Variants in NCL observed in about 807,000 individuals in gnomAD.
NCL encodes nucleolin multifunctional protein.
In NCL, 4 loss-of-function variants were observed where a neutral mutation model predicts 77.7. The ratio of observed to expected loss-of-function variants is 0.05; its 90% CI spans 0.03 to 0.12. The LOEUF is 0.12. Among genes scored for constraint, NCL ranks in the 10% least tolerant of loss-of-function variants. The probability of loss-of-function intolerance (pLI) is 1.00; values close to 1 mark genes in which losing one functional copy is unlikely to be tolerated. For missense variants in NCL, 763 were observed against 860.9 expected (o/e 0.89, Z 1.42); for synonymous variants, 344 against 297.8 (o/e 1.16, Z -1.60).
rs1258238218 is a variant in NCL at position 231,460,604 on chromosome 2, CACAA to C, written c.812-44_812-41del. The C allele has an allele frequency of 3.1e-6, 5 of 1,614,130 alleles. No individual in the cohort carries two copies. In the African/African-American group the frequency reaches 5.3e-5, roughly 17 times the overall value. Reference sequence around the variant, plus strand: ...AAACAATGTATCACACATCAGTAGCCACAAACACTTAAGTGCCTCCTTTAAACAT... The same window carrying C: ...AAACAATGTATCACACATCAGTAGCCACACTTAAGTGCCTCCTTTAAACAT... On this transcript the variant is annotated intron_variant, in intron 4 of 13. Coordinates refer to ENST00000322723, the MANE Select transcript of NCL (RefSeq NM_005381.3).
At chr2:231,463,043 A>C (rs2046966815) in intron 2 of NCL, 157 bp downstream of exon 2, 3 of 625,728 alleles carry the variant, frequency 4.8e-6, no homozygotes, top group Middle Eastern at 8.8e-4. Flanking sequence ...GCCAAATGAC[A>C]TCTTGACATG....
At position 231,454,846 on chromosome 2, in the gene NCL, C is replaced by CAAAAAAAAAAAAAAAAAAAAAAAA. The variant is rs201409564; in HGVS notation, c.*344_*345insTTTTTTTTTTTTTTTTTTTTTTTT. 9 of 97,128 alleles carry CAAAAAAAAAAAAAAAAAAAAAAAA rather than the reference C, an allele frequency of 9.3e-5. No homozygotes were observed. Among genetic ancestry groups the CAAAAAAAAAAAAAAAAAAAAAAAA allele is most frequent in the Non-Finnish European group, 1.3e-4 (6 of 44,640 alleles). The allele number at this position is 97,128 out of a possible 1,614,324, so 6.0% of individuals were successfully genotyped here. A position where few individuals can be genotyped will look rare whatever the true frequency, so the allele number is the denominator to read the frequency against. ...CTTTTCTTTTACAACCCCACGAACG[C>CAAAAAAAAAAAAAAAAAAAAAAAA]AAAAAAAAAAAAAACAAAAACAAAA... On this transcript the variant is annotated 3_prime_UTR_variant, in exon 14 of 14. Transcript: ENST00000322723.
chr2:231,459,320 C>T (rs2046923800), intron 6 of NCL, among the ~76,000 whole-genome samples, 195 bp from the exon 7 acceptor site: 1 of 152,168 alleles, frequency 6.6e-6, no homozygotes. Context: ...ATATGACATG[C>T]ACATTCACGT....
rs1053172373 is a variant in NCL at position 231,459,061 on chromosome 2, A to T, written c.1105T>A (p.Leu369Met). The T allele has an allele frequency of 6.2e-7, 1 of 1,606,838 alleles. No homozygotes were observed. The highest frequency in any genetic ancestry group is 8.5e-7 in the Non-Finnish European group (1 of 1,177,612). The change falls in exon 7 of 14, where the codon TTG (leucine) becomes ATG (methionine). Residue 369 changes from leucine (L) to methionine (M), a missense_variant. Physicochemically the swap from Leu to Met is conservative, Grantham distance 15 (BLOSUM62 2). Around this residue, in one of 2 missense-constraint regions of NCL, gnomAD observed 590 missense variants for 570.5 expected, o/e 1.03. Coordinates refer to ENST00000322723, the MANE Select transcript of NCL (RefSeq NM_005381.3). ...TTAATTTCATTGCCAAAGACTTTCA[A>T]ACCAGTGAGTTCCAACGCTTTCTCC... ...DLEKALELTG[L>M]KVFGNEIKLE...
At position 231,463,231 on chromosome 2, in the gene NCL, T is replaced by G; in HGVS notation, c.104A>C (p.Glu35Ala). The change falls in exon 2 of 14, where the codon GAA becomes GCA. Residue 35 changes from glutamate (E) to alanine (A), a missense_variant. Physicochemically the swap from Glu to Ala is moderately radical, Grantham distance 107. Around this residue, in one of 2 missense-constraint regions of NCL, gnomAD observed 590 missense variants for 570.5 expected, o/e 1.03. Transcript: ENST00000322723. ...EEDSEDEEMS[E>A]DEEDDSSGEE... ...TCCACTGCTATCATCTTCTTCATCT[T>G]CTGACATTTCCTCATCTTCACTATC... 3 of 1,611,588 alleles carry G rather than the reference T, an allele frequency of 1.9e-6. No homozygotes were observed. Among genetic ancestry groups the G allele is most frequent in the Non-Finnish European group, 2.5e-6 (3 of 1,179,298 alleles).
chr2:231,455,300 A>C, intron 13 of NCL, 33 bp from the exon 14 acceptor site: 4 of 1,613,990 alleles, frequency 2.5e-6, no homozygotes, highest in Non-Finnish European at 3.4e-6. Context: ...TGTTAAAAGA[A>C]TGGGTACAAA....
intron 1 of NCL, 65 bp from the exon 2 acceptor site, chr2:231,463,381 C>G (rs1184118202): frequency 9.8e-7 from 1 of 1,016,056 alleles, no homozygotes; most frequent in Non-Finnish European, 1.5e-6. Flanking sequence ...CATATTTTGC[C>G]ATTAGTGTTC....
Position 231,456,195 on chromosome 2 carries a change from G to T in NCL, c.1706-59C>A, listed in dbSNP as rs560390229. 72 of 1,603,312 alleles carry T rather than the reference G, an allele frequency of 4.5e-5. No individual in the cohort carries two copies. The African/African-American group carries it at 7.5e-4, about 17-fold the overall frequency. On this transcript the variant is annotated intron_variant, in intron 11 of 13. Transcript: ENST00000322723. Reference sequence around the variant, plus strand: ...AGTCACAGTTCGTAACACTGAATTTGCACAATGCCTAGTATGACTACTAGC... The same window carrying T: ...AGTCACAGTTCGTAACACTGAATTTTCACAATGCCTAGTATGACTACTAGC...
rs1158021360 is a variant in NCL, at chr2:231,458,997, A to G, written c.1165+4T>C. The G allele has an allele frequency of 1.3e-6, 2 of 1,581,826 alleles. No homozygotes were observed. The highest frequency in any genetic ancestry group is 4.6e-5 in the East Asian group (2 of 43,012). ...ATTGCATAATCTCATAAAGCCTTAC[A>G]TACCTTTCTTACTGTCTTTTCCTTT... On this transcript the variant is annotated splice_donor_region_variant and intron_variant, in intron 7 of 13. Transcript: ENST00000322723.
At chr2:231,462,671 C>A (rs942065337) in intron 2 of NCL, 2 of 446,614 alleles carry the variant, frequency 4.5e-6, no homozygotes, top group Non-Finnish European at 9.0e-6. Flanking sequence ...CAGTGCTCAG[C>A]TGTCTTTATA....
chr2:231,453,971 CGTG>C lies in NCL; in HGVS notation c.*1217_*1219del, dbSNP rs1415503409. 1 of 152,200 alleles carries C rather than the reference CGTG, an allele frequency of 6.6e-6. No individual in the cohort carries two copies. The highest frequency in any genetic ancestry group is 1.5e-5 in the Non-Finnish European group (1 of 68,050). 9.4% of individuals were successfully genotyped at this position (152,200 alleles called of 1,614,324 possible). Reference sequence around the variant, plus strand: ...ACAATGTTGATAGTCCCGCCTCTCACGTGGCCTTGTCTTTTACTAAAAAGGGAG... The same window carrying C: ...ACAATGTTGATAGTCCCGCCTCTCACGCCTTGTCTTTTACTAAAAAGGGAG... On this transcript the variant is annotated 3_prime_UTR_variant, in exon 14 of 14. Coordinates refer to ENST00000322723, the MANE Select transcript of NCL (RefSeq NM_005381.3).
chr2:231,457,827 G>A (rs1425006495), intron 8 of NCL, 27 bp from the exon 9 acceptor site: 12 of 1,572,766 alleles, frequency 7.6e-6, no homozygotes, highest in Non-Finnish European at 1.0e-5. Flanking sequence ...AGAACTCATG[G>A]TTTTTAAAAC....
chr2:231,462,760 A>G (rs1392811111), intron 2 of NCL, among the ~76,000 whole-genome samples: 1 of 152,250 alleles, frequency 6.6e-6, no homozygotes, highest in African/African-American at 2.4e-5. Flanking sequence ...AGTCTACACC[A>G]GAGATAACTA....
At chr2:231,457,375 A>G in intron 9 of NCL, 1 of 755,152 alleles carries the variant, frequency 1.3e-6, no homozygotes, top group Non-Finnish European at 2.4e-6. Flanking sequence ...CAAAACGCAC[A>G]TGGTCAAGTC....
At chr2:231,462,909 A>G in intron 2 of NCL, 1 of 360,364 alleles carries the variant, frequency 2.8e-6, no homozygotes, top group Admixed American at 4.6e-5. Context: ...TGTGGGGGTG[A>G]GGCTAACATG....
At chr2:231,463,664 C>A in intron 1 of NCL, 1 of 238,412 alleles carries the variant, frequency 4.2e-6, no homozygotes. Flanking sequence ...TCCAAATTAA[C>A]GGTGAAGATC....
At chr2:231,460,038 G>A in intron 6 of NCL, 114 bp downstream of exon 6, 1 of 1,210,744 alleles carries the variant, frequency 8.3e-7, no homozygotes, top group South Asian at 1.5e-5. Flanking sequence ...GCTAATCCTT[G>A]AAGATGTTTA....
At chr2:231,464,280 G>T in intron 1 of NCL, 56 bp downstream of exon 1, 3 of 1,545,734 alleles carry the variant, frequency 1.9e-6, no homozygotes, top group Non-Finnish European at 2.6e-6. Flanking sequence ...GCGGCGCCGC[G>T]CTCGCCCCTC....
chr2:231,457,319 T>C, intron 9 of NCL, 195 bp from the exon 10 acceptor site: 1 of 834,000 alleles, frequency 1.2e-6, no homozygotes, highest in Non-Finnish European at 2.0e-6. Context: ...CTGGTTGTTC[T>C]TACATAGGCT....
Sources: allele counts gnomAD v4.1 joint callset (sites outside exome capture counted in the v4.1 genomes callset), GRCh38; gene constraint gnomAD v4.1.1; regional missense constraint gnomAD v4.1.1; transcripts MANE v1.5; gene names NCBI Gene and HGNC (gene_info 2026-07-23, HGNC 2026-07-21).